XIRP1: variants seen among roughly 807,000 people sequenced by gnomAD.
XIRP1 encodes xin actin-binding repeat-containing protein 1.
For missense variants in XIRP1, 2,378 were observed against 2,345.4 expected, an observed-to-expected ratio of 1.01 and a Z score of -0.29; for synonymous variants, 984 against 947.0, an observed-to-expected ratio of 1.04 and a Z score of -0.72.
At position 39,187,127 on chromosome 3, in the gene XIRP1, C is replaced by A. The variant is rs1303965108; in HGVS notation, c.2319G>T (p.Gly773=). 2.5e-5 allele frequency: 40 copies of A among 1,612,908 alleles called. No homozygotes were observed. The highest frequency in any genetic ancestry group is 3.2e-5 in the Non-Finnish European group (38 of 1,179,118). The change falls in exon 2 of 2, where the codon GGG becomes GGT. Residue 773 remains glycine (G), a synonymous_variant. Transcript: ENST00000340369. ...MQESQETAAE[G]TLRTLHATPG... ...GTGTGGCATGCAGAGTCCGCAGGGT[C>A]CCCTCAGCTGCAGTCTCCTGGCTCT...
In XIRP1 at chr3:39,186,083, A is replaced by G. The variant is rs1223856162; in HGVS notation, c.3363T>C (p.Ser1121=). ...PRIPAAPRKV[S]REEQALPRGL... is the part of the protein sequence containing the mutation. ...CTCTGGGTAGTGCTTGCTCTTCCCT[A>G]CTGACCTTTCTGGGGGCTGCTGGGA... Residue 1121 remains serine (S), a synonymous_variant, in exon 2 of 2, where the codon AGT becomes AGC. Coordinates refer to ENST00000340369, the MANE Select transcript of XIRP1 (RefSeq NM_194293.4). 1 of 1,613,824 alleles carries G rather than the reference A, an allele frequency of 6.2e-7. No individual in the cohort carries two copies. Among genetic ancestry groups the G allele is most frequent in the Admixed American group, 1.7e-5 (1 of 59,996 alleles).
Position 39,185,760 on chromosome 3 carries a change from G to C in XIRP1, c.3686C>G (p.Ala1229Gly). 1 of 1,608,038 alleles carries C rather than the reference G, an allele frequency of 6.2e-7. No individual in the cohort carries two copies. The highest frequency in any genetic ancestry group is 8.5e-7 in the Non-Finnish European group (1 of 1,176,844). The change falls in exon 2 of 2, where the codon GCC becomes GGC. Residue 1229 changes from alanine to glycine, a missense_variant. Coordinates refer to ENST00000340369, the MANE Select transcript of XIRP1 (RefSeq NM_194293.4). Reference protein sequence around the residue: ...LQAAETTLKTAPLGRHILASG... With the variant: ...LQAAETTLKTGPLGRHILASG... ...GGCCAGAATGTGGCGGCCTAGAGGGGCAGTCTTCAGGGTGGTCTCTGCAGC... is the reference window on the plus strand; with the variant it reads ...GGCCAGAATGTGGCGGCCTAGAGGGCCAGTCTTCAGGGTGGTCTCTGCAGC...
rs145025415 is a variant in XIRP1 at position 39,187,391 on chromosome 3, G to C, written c.2055C>G (p.Arg685=). Residue 685 remains arginine, a synonymous_variant, in exon 2 of 2, where the codon CGC becomes CGG. Coordinates refer to ENST00000340369, the MANE Select transcript of XIRP1 (RefSeq NM_194293.4). The part of the protein sequence containing the change: ...CGRRPVRYCS[R]VEIPSGQVSR... ...ACACCTGCCCTGAAGGGATCTCCAC[G>C]CGGCTGCAGTATCTCACAGGCCGTC... 1.1e-4 allele frequency: 179 copies of C among 1,614,134 alleles called. No individual in the cohort carries two copies. The African/African-American group carries it at 1.8e-3, about 16-fold the overall frequency.
chr3:39,185,520 G>T lies in XIRP1; in HGVS notation c.3926C>A (p.Thr1309Lys). Residue 1309 changes from threonine (T) to lysine (K), a missense_variant, in exon 2 of 2, where the codon ACA (threonine) becomes AAA (lysine). Transcript: ENST00000340369. Reference protein sequence around the residue: ...AGQRTPGGSQTKTPKLDPTMP... With the variant: ...AGQRTPGGSQKKTPKLDPTMP... ...GGTGGGGTCCAGTTTTGGGGTCTTT[G>T]TCTGTGACCCTCCAGGGGTTCTCTG... 1.3e-6 allele frequency: 2 copies of T among 1,558,584 alleles called. No individual in the cohort carries two copies. Among genetic ancestry groups the T allele is most frequent in the Non-Finnish European group, 1.7e-6 (2 of 1,153,352 alleles).
In XIRP1 at chr3:39,188,944, G is replaced by A; in HGVS notation, c.502C>T (p.Leu168=). 6.2e-7 allele frequency: 1 copy of A among 1,613,392 alleles called. No homozygotes were observed. Among genetic ancestry groups the A allele is most frequent in the Non-Finnish European group, 8.5e-7 (1 of 1,179,964 alleles). ...TCCAGTTCCTTGGCTTGCCCTGTCAGCTCGTCCAGTGGCTTTGTCTCAAAT... is the reference window on the plus strand; with the variant it reads ...TCCAGTTCCTTGGCTTGCCCTGTCAACTCGTCCAGTGGCTTTGTCTCAAAT... The part of the protein sequence containing the change: ...WLFETKPLDE[L]TGQAKELEAT... Residue 168 remains leucine (L), a synonymous_variant, in exon 2 of 2, where the codon CTG becomes TTG. Coordinates refer to ENST00000340369, the MANE Select transcript of XIRP1 (RefSeq NM_194293.4).
At position 39,186,486 on chromosome 3, in the gene XIRP1, G is replaced by C; in HGVS notation, c.2960C>G (p.Ala987Gly). 6.2e-7 allele frequency: 1 copy of C among 1,613,898 alleles called. No homozygotes were observed. Among genetic ancestry groups the C allele is most frequent in the Non-Finnish European group, 8.5e-7 (1 of 1,179,906 alleles). ...DPSMGMGHLR[A>G]SGATPCPPQA... Reference sequence around the variant, plus strand: ...AGGAGGGCAAGGGGTGGCCCCTGAGGCTCTCAGATGCCCCATCCCCATGCT... The same window carrying C: ...AGGAGGGCAAGGGGTGGCCCCTGAGCCTCTCAGATGCCCCATCCCCATGCT... The change falls in exon 2 of 2, where the codon GCC becomes GGC. Residue 987 changes from alanine (A) to glycine (G), a missense_variant. Coordinates refer to ENST00000340369, the MANE Select transcript of XIRP1 (RefSeq NM_194293.4).
Position 39,184,601 on chromosome 3 carries a change from A to C in XIRP1, c.4845T>G (p.Val1615=). 1 of 1,613,690 alleles carries C rather than the reference A, an allele frequency of 6.2e-7. No homozygotes were observed. The highest frequency in any genetic ancestry group is 8.5e-7 in the Non-Finnish European group (1 of 1,179,782). ...GQTAVKNQAK[V]ECHTEAQSQV... ...GACTCTGGGCCTCAGTGTGGCATTC[A>C]ACCTTGGCTTGGTTCTTGACTGCAG... is the stretch of plus-strand genomic sequence containing the variant. The change falls in exon 2 of 2, where the codon GTT becomes GTG. Residue 1615 remains valine (V), a synonymous_variant. Coordinates refer to ENST00000340369, the MANE Select transcript of XIRP1 (RefSeq NM_194293.4).
chr3:39,184,002 A>G lies in XIRP1; in HGVS notation c.5444T>C (p.Leu1815Pro), dbSNP rs757230066. ...ACTGCTGAACCCAGCTGGGCTGTGC[A>G]GGAACTGCCTCAGCAAGGGGGAGGC... Reference protein sequence around the residue: ...LHASPLLRQFLHSPAGFSSDL... With the variant: ...LHASPLLRQFPHSPAGFSSDL... The change falls in exon 2 of 2, where the codon CTG becomes CCG. Residue 1815 changes from leucine to proline, a missense_variant. Transcript: ENST00000340369. The G allele has an allele frequency of 1.2e-6, 2 of 1,612,968 alleles. No individual in the cohort carries two copies. Among genetic ancestry groups the G allele is most frequent in the South Asian group, 1.1e-5 (1 of 91,012 alleles).
At position 39,184,295 on chromosome 3, in the gene XIRP1, G is replaced by A. The variant is rs1164959551; in HGVS notation, c.5151C>T (p.Asp1717=). ...GGGTGATGTCCTTCTTCCCAGTTTT[G>A]TCTTGGACACCTTTCTGGTGGAGCA... ...QALLHQKGVQ[D]KTGKKDITQC... The change falls in exon 2 of 2, where the codon GAC becomes GAT. Residue 1717 remains aspartate (D), a synonymous_variant. Transcript: ENST00000340369. 1 of 1,614,188 alleles carries A rather than the reference G, an allele frequency of 6.2e-7. No homozygotes were observed. The highest frequency in any genetic ancestry group is 1.1e-5 in the South Asian group (1 of 91,084).
chr3:39,184,839 A>G lies in XIRP1; in HGVS notation c.4607T>C (p.Val1536Ala), dbSNP rs531153597. The G allele has an allele frequency of 1.5e-5, 25 of 1,613,006 alleles. 1 individual carries two copies. In the Middle Eastern group the frequency reaches 4.9e-4, roughly 32 times the overall value. The change falls in exon 2 of 2, where the codon GTT becomes GCT. Residue 1536 changes from valine (V) to alanine (A), a missense_variant. Val to Ala is a moderately conservative substitution (Grantham distance 64). Coordinates refer to ENST00000340369, the MANE Select transcript of XIRP1 (RefSeq NM_194293.4). ...FGELTRVSTE[V>A]AQLKEQTLAR... ...CAAGGTCTGTTCCTTCAGTTGAGCA[A>G]CTTCCGTGCTGACCCGTGTCAGCTC...
At position 39,186,913 on chromosome 3, in the gene XIRP1, G is replaced by A. The variant is rs1481559394; in HGVS notation, c.2533C>T (p.Leu845=). Residue 845 remains leucine (L), a synonymous_variant, in exon 2 of 2, where the codon CTG becomes TTG. Transcript: ENST00000340369. Reference sequence around the variant, plus strand: ...CCAGTTGGGTCTTCCTGCACCAGCAGCCCCTGCTGGTCCACATCTGGCCGG... The same window carrying A: ...CCAGTTGGGTCTTCCTGCACCAGCAACCCCTGCTGGTCCACATCTGGCCGG... ...LRRPDVDQQG[L]LVQEDPTGQL... 1.2e-6 allele frequency: 2 copies of A among 1,613,886 alleles called. No individual in the cohort carries two copies. The highest frequency in any genetic ancestry group is 1.7e-6 in the Non-Finnish European group (2 of 1,179,942).
intron 1 of XIRP1, among the ~76,000 whole-genome samples, chr3:39,189,779 TA>T (rs1240627416): frequency 6.6e-6 from 1 of 152,176 alleles, no homozygotes; most frequent in Admixed American, 6.5e-5. Flanking sequence ...TTTAGCTCCA[TA>T]AGGGACGCAT....
Position 39,187,115 on chromosome 3 carries a change from A to C in XIRP1, c.2331T>G (p.Thr777=). ...QETAAEGTLR[T]LHATPGILHH... ...GCAGGATGCCAGGTGTGGCATGCAG[A>C]GTCCGCAGGGTCCCCTCAGCTGCAG... Residue 777 remains threonine, a synonymous_variant, in exon 2 of 2, where the codon ACT becomes ACG. Coordinates refer to ENST00000340369, the MANE Select transcript of XIRP1 (RefSeq NM_194293.4). 1 of 1,613,374 alleles carries C rather than the reference A, an allele frequency of 6.2e-7. No individual in the cohort carries two copies. The highest frequency in any genetic ancestry group is 8.5e-7 in the Non-Finnish European group (1 of 1,179,384).
chr3:39,190,571 C>T (rs1369186347), intron 1 of XIRP1, among the ~76,000 whole-genome samples: 1 of 152,046 alleles, frequency 6.6e-6, no homozygotes, highest in East Asian at 1.9e-4. Context: ...GGGGCTCGGA[C>T]TCAGGGGGGC....
chr3:39,188,346 GC>G lies in XIRP1; in HGVS notation c.1099del (p.Ala367ProfsTer68). 1 of 1,614,128 alleles carries G rather than the reference GC, an allele frequency of 6.2e-7. No individual in the cohort carries two copies. The highest frequency in any genetic ancestry group is 8.5e-7 in the Non-Finnish European group (1 of 1,180,024). The stretch of plus-strand genomic sequence containing the variant: ...AGGGACCACTTCCTCCTTGGGTGGG[GC>G]CTCTGCTCCAGCCTCTTCGTCCCCC... ...LKGDEEAGAE[A>X]PPKEEVVPGD... On this transcript the variant is annotated frameshift_variant, in exon 2 of 2. Coordinates refer to ENST00000340369, the MANE Select transcript of XIRP1 (RefSeq NM_194293.4). LOFTEE classifies it low-confidence loss of function (END_TRUNC).
At chr3:39,190,205 C>G (rs1460932675) in intron 1 of XIRP1, among the ~76,000 whole-genome samples, 1 of 152,132 alleles carries the variant, frequency 6.6e-6, no homozygotes, top group Non-Finnish European at 1.5e-5. Context: ...GCATTATACT[C>G]GAAGACTGAG....
rs967862227 is a variant in XIRP1, at chr3:39,184,412, G to A, written c.5034C>T (p.Ala1678=). The A allele has an allele frequency of 1.9e-6, 3 of 1,614,064 alleles. No homozygotes were observed. The highest frequency in any genetic ancestry group is 1.1e-5 in the South Asian group (1 of 91,082). Residue 1678 remains alanine (A), a synonymous_variant, in exon 2 of 2, where the codon GCC becomes GCT. Coordinates refer to ENST00000340369, the MANE Select transcript of XIRP1 (RefSeq NM_194293.4). The stretch of plus-strand genomic sequence containing the variant: ...TGGGAGTCTCTAGAGGCTTCCTTGT[G>A]GCCGACTGGATGGAGATAAATGTTG... The part of the protein sequence containing the change: ...SSPTFISIQS[A]TRKPLETPSF...
intron 1 of XIRP1, among the ~76,000 whole-genome samples, chr3:39,190,875 G>A (rs993478596): frequency 1.3e-5 from 2 of 152,200 alleles, no homozygotes; most frequent in Non-Finnish European, 2.9e-5. Flanking sequence ...CTCAGAGGGA[G>A]GCTGAGGCCC....
chr3:39,190,919 C>T (rs1032671134), intron 1 of XIRP1, among the ~76,000 whole-genome samples: 4 of 152,198 alleles, frequency 2.6e-5, no homozygotes, highest in Admixed American at 1.3e-4. Flanking sequence ...CTTGGCTCAC[C>T]TCATCTCCTT....
Sources: allele counts gnomAD v4.1 joint callset (sites outside exome capture counted in the v4.1 genomes callset), GRCh38; gene constraint gnomAD v4.1.1; transcripts MANE v1.5; gene names NCBI Gene and HGNC (gene_info 2026-07-23, HGNC 2026-07-21).